Variants in RSBN1 observed in about 807,000 individuals in gnomAD.
RSBN1 encodes round spermatid basic protein 1, also known as lysine-specific demethylase 9.
A neutral mutation model predicts 74.8 loss-of-function variants in RSBN1; 23 were observed. The observed-to-expected ratio is 0.31, with a 90% confidence interval of 0.22 to 0.44. RSBN1 has a LOEUF of 0.44. RSBN1 is among the 20% of genes least tolerant of loss of function. The probability of loss-of-function intolerance (pLI) is 1.00; values close to 1 mark genes in which losing one functional copy is unlikely to be tolerated. For synonymous variants in RSBN1, 407 were observed against 379.6 expected, an observed-to-expected ratio of 1.07 and a Z score of -0.84; for missense variants, 808 against 1,020.9, an observed-to-expected ratio of 0.79 and a Z score of 2.84.
chr1:113,763,979 A>G lies in RSBN1; in HGVS notation c.*2001T>C, dbSNP rs1659735439. ...TTTTTGCTTTAACAGCCTTCTCTTC[A>G]TGATTATTTTTAAAAGCAAATGTTG... On this transcript the variant is annotated 3_prime_UTR_variant, in exon 7 of 7. Coordinates refer to ENST00000261441, the MANE Select transcript of RSBN1 (RefSeq NM_018364.5). The G allele has an allele frequency of 6.6e-6, 1 of 152,374 alleles. No individual in the cohort carries two copies. The highest frequency in any genetic ancestry group is 1.5e-5 in the Non-Finnish European group (1 of 68,030). 9.4% of individuals were successfully genotyped at this position (152,374 alleles called of 1,614,324 possible).
chr1:113,801,398 AATTT>A (rs1179622043), intron 1 of RSBN1, among the ~76,000 whole-genome samples: 1 of 152,196 alleles, frequency 6.6e-6, no homozygotes, highest in Admixed American at 6.5e-5. Flanking sequence ...GAGTAAACAA[AATTT>A]ATTATTGAAT....
rs747818881 is a variant in RSBN1 at position 113,766,183 on chromosome 1, A to G, written c.2206T>C (p.Cys736Arg). 4.3e-6 allele frequency: 7 copies of G among 1,614,124 alleles called. No individual in the cohort carries two copies. The highest frequency in any genetic ancestry group is 1.7e-5 in the Admixed American group (1 of 60,022). The stretch of plus-strand genomic sequence containing the variant: ...TCAGATTCAGTTTTTATCCTCACAC[A>G]TTGGGAGTCAACTTCTAATTCTCGC... ...GKRELEVDSQ[C>R]VRIKTESEEA... The change falls in exon 7 of 7, where the codon TGT (cysteine) becomes CGT (arginine). Residue 736 changes from cysteine (C) to arginine (R), a missense_variant. This residue lies in a region of RSBN1 where 91 missense variants were observed against 99.6 expected (regional missense o/e 0.91). Transcript: ENST00000261441.
rs1447201876 is a variant in RSBN1 at position 113,812,196 on chromosome 1, TCC to T, written c.215_216del (p.Gly72GlufsTer14). The T allele has an allele frequency of 6.2e-7, 1 of 1,607,924 alleles. No individual in the cohort carries two copies. Among genetic ancestry groups the T allele is most frequent in the Non-Finnish European group, 8.5e-7 (1 of 1,179,800 alleles). The stretch of plus-strand genomic sequence containing the variant: ...GAGACCCCAGCATGAGGTTTCTCCT[TCC>T]CCTCTTTGTCCGGCTCCTCCTGCGC... Reference protein sequence around the residue: ...VAAQEEPDKEGKEKPHAGVSP... With the variant: ...VAAQEEPDKEXKEKPHAGVSP... On this transcript the variant is annotated frameshift_variant, in exon 1 of 7. Transcript: ENST00000261441. LOFTEE classifies it high-confidence loss of function.
At chr1:113,794,120 C>T (rs1660423176) in intron 2 of RSBN1, among the ~76,000 whole-genome samples, 1 of 152,156 alleles carries the variant, frequency 6.6e-6, no homozygotes, top group South Asian at 2.1e-4. Flanking sequence ...TTTGTCCAAA[C>T]CACATCTGAA....
chr1:113,768,269 C>G lies in RSBN1; in HGVS notation c.1779G>C (p.Gln593His). The G allele has an allele frequency of 6.2e-7, 1 of 1,613,452 alleles. No homozygotes were observed. Among genetic ancestry groups the G allele is most frequent in the Non-Finnish European group, 8.5e-7 (1 of 1,179,642 alleles). The change falls in exon 5 of 7, where the codon CAG becomes CAC. Residue 593 changes from glutamine (Q) to histidine (H), a missense_variant. Coordinates refer to ENST00000261441, the MANE Select transcript of RSBN1 (RefSeq NM_018364.5). ...ADHVGQGFDW[Q>H]STAAVGVLKA... ...TCAAAACTCCAACAGCAGCCGTACTCTGCCAGTCAAACCCCTGACCGACAT... is the reference window on the plus strand; with the variant it reads ...TCAAAACTCCAACAGCAGCCGTACTGTGCCAGTCAAACCCCTGACCGACAT...
At chr1:113,783,970 T>C (rs150097420) in intron 2 of RSBN1, among the ~76,000 whole-genome samples, 10 of 152,262 alleles carry the variant, frequency 6.6e-5, no homozygotes, top group African/African-American at 2.2e-4. Flanking sequence ...ATATTCTGCA[T>C]TGCACAGAGA....
chr1:113,777,648 T>C (rs1571298197), intron 3 of RSBN1, 23 bp downstream of exon 3: 2 of 1,596,202 alleles, frequency 1.3e-6, no homozygotes, highest in South Asian at 1.1e-5. Context: ...ATCAAAACTT[T>C]AATAATCTTA....
At chr1:113,802,412 TTTTAAAG>T (rs918019285) in intron 1 of RSBN1, among the ~76,000 whole-genome samples, 1 of 152,190 alleles carries the variant, frequency 6.6e-6, no homozygotes, top group Admixed American at 6.5e-5. Flanking sequence ...ATTCATGATT[TTTTAAAG>T]GACTAAAGTT....
chr1:113,805,362 G>A (rs1224581965), intron 1 of RSBN1, among the ~76,000 whole-genome samples: 2 of 152,154 alleles, frequency 1.3e-5, no homozygotes, highest in Admixed American at 6.5e-5. Context: ...ACAGGCATGA[G>A]CCACCGCGCC....
At chr1:113,774,516 T>TA (rs557193765) in intron 4 of RSBN1, among the ~76,000 whole-genome samples, 29 of 144,288 alleles carry the variant, frequency 2.0e-4, no homozygotes, top group African/African-American at 5.1e-4. Flanking sequence ...CTACTAAAAA[T>TA]AAAAAAAAAA....
At chr1:113,811,615 T>TA (rs891451432) in intron 1 of RSBN1, 95 bp downstream of exon 1, 11 of 1,468,260 alleles carry the variant, frequency 7.5e-6, no homozygotes, top group Non-Finnish European at 9.9e-6. Context: ...CAGCAGAAGG[T>TA]AAGCAGGGGT....
chr1:113,798,072 G>A (rs1448579601), intron 1 of RSBN1, 36 bp from the exon 2 acceptor site: 1 of 1,542,752 alleles, frequency 6.5e-7, no homozygotes, highest in African/African-American at 1.4e-5. Context: ...TAGTTGCTAG[G>A]ACTAGTGTCA....
chr1:113,788,432 G>A (rs544023687), intron 2 of RSBN1, among the ~76,000 whole-genome samples: 13 of 152,044 alleles, frequency 8.6e-5, no homozygotes, highest in South Asian at 4.1e-4. Context: ...TTATATCTGC[G>A]TCTGAAATAT....
chr1:113,786,378 T>C (rs925218186), intron 2 of RSBN1, among the ~76,000 whole-genome samples: 1 of 152,166 alleles, frequency 6.6e-6, no homozygotes, highest in Non-Finnish European at 1.5e-5. Flanking sequence ...TGTTACCTTA[T>C]GGCAAAATGG....
chr1:113,768,826 T>C (rs968270812), intron 4 of RSBN1, among the ~76,000 whole-genome samples: 1 of 152,042 alleles, frequency 6.6e-6, no homozygotes, highest in Admixed American at 6.6e-5. Flanking sequence ...CACTTTCTTA[T>C]AACTAAAAGT....
At position 113,812,269 on chromosome 1, in the gene RSBN1, T is replaced by G; in HGVS notation, c.144A>C (p.Glu48Asp). 6.2e-7 allele frequency: 1 copy of G among 1,605,688 alleles called. No individual in the cohort carries two copies. Residue 48 changes from glutamate (E) to aspartate (D), a missense_variant, in exon 1 of 7, where the codon GAA becomes GAC. Transcript: ENST00000261441. ...VGPFKCVFVG[E>D]MAAQVGAVRV... ...GCACCGCTCCGACCTGCGCAGCCAT[T>G]TCACCCACAAACACACATTTAAATG...
At chr1:113,808,385 A>G (rs937915519) in intron 1 of RSBN1, among the ~76,000 whole-genome samples, 5 of 152,240 alleles carry the variant, frequency 3.3e-5, no homozygotes, top group Non-Finnish European at 7.3e-5. Context: ...GCACAAGTCC[A>G]GTACAGACAA....
chr1:113,798,393 C>A (rs1037639667), intron 1 of RSBN1, among the ~76,000 whole-genome samples: 1 of 151,984 alleles, frequency 6.6e-6, no homozygotes, highest in Non-Finnish European at 1.5e-5. Context: ...ATCTATGTAA[C>A]AACATAGATT....
rs140139729 is a variant in RSBN1, at chr1:113,806,838, CAAAAAAA to C, written c.703+4865_703+4871del. 5.1e-5 allele frequency among the ~76,000 whole-genome samples: 4 copies of C among 78,924 alleles called. No homozygotes were observed. The Admixed American group carries it at 6.6e-4, about 13-fold the overall frequency. The allele number at this position is 78,924 out of a possible 152,430, so 51.8% of individuals were successfully genotyped here. ...CAACACAGAGAGACCCTGCCTCTAT[CAAAAAAA>C]AAAAAAAAAAAAAAAACATTAGCCA... On this transcript the variant is annotated intron_variant, in intron 1 of 6. Transcript: ENST00000261441.
Sources: gnomAD v4.1 joint callset for allele counts (sites outside exome capture counted in the v4.1 genomes callset) on GRCh38, gnomAD v4.1.1 for gene constraint, gnomAD v4.1.1 regional missense constraint, MANE v1.5 for transcripts, NCBI Gene and HGNC (gene_info 2026-07-23, HGNC 2026-07-21) for gene names.